ARHGAP15: variants seen among roughly 807,000 people sequenced by gnomAD.
ARHGAP15 encodes the protein rho GTPase-activating protein 15.
ARHGAP15 carries 51 observed loss-of-function variants against 63.7 expected under a neutral mutation model. The observed-to-expected ratio is 0.80, with a 90% CI of 0.64 to 1.01. The LOEUF is 1.01. Among genes scored for constraint, ARHGAP15 ranks in the 50% least tolerant of loss-of-function variants. ARHGAP15 has a pLI of 0.00. For missense variants in ARHGAP15, 560 were observed against 564.6 expected (o/e 0.99, Z 0.08); for synonymous variants, 191 against 193.8 (o/e 0.99, Z 0.12).
intron 2 of ARHGAP15, among the ~76,000 whole-genome samples, chr2:143,170,329 G>A (rs1333759311): frequency 6.6e-6 from 1 of 152,064 alleles, no homozygotes; most frequent in African/African-American, 2.4e-5. Context: ...ACATCTATAT[G>A]TACTCGGCAT....
At chr2:143,519,391 C>A in intron 10 of ARHGAP15, 27 bp downstream of exon 10, 2 of 1,557,684 alleles carry the variant, frequency 1.3e-6, no homozygotes, top group Non-Finnish European at 1.8e-6. Context: ...GCAGCAGTTC[C>A]CCCCATTACT....
intron 10 of ARHGAP15, among the ~76,000 whole-genome samples, chr2:143,544,390 A>C (rs1695235036): frequency 6.6e-6 from 1 of 152,184 alleles, no homozygotes; most frequent in Non-Finnish European, 1.5e-5. Context: ...ATATATTATC[A>C]AATAATTTCA....
At chr2:143,689,808 G>C (rs943316675) in intron 12 of ARHGAP15, among the ~76,000 whole-genome samples, 11 of 152,120 alleles carry the variant, frequency 7.2e-5, no homozygotes, top group African/African-American at 2.7e-4. Context: ...TTTTACATAT[G>C]GGACTACACA....
chr2:143,169,605 C>T (rs1314656168), intron 2 of ARHGAP15, among the ~76,000 whole-genome samples: 1 of 151,942 alleles, frequency 6.6e-6, no homozygotes, highest in Non-Finnish European at 1.5e-5. Flanking sequence ...TTTGCTGATT[C>T]CCAAAGACAC....
intron 13 of ARHGAP15, among the ~76,000 whole-genome samples, chr2:143,737,994 G>A (rs942111369): frequency 6.6e-6 from 1 of 152,090 alleles, no homozygotes; most frequent in Admixed American, 6.5e-5. Flanking sequence ...CTGACCTCAG[G>A]TGATCTGCCC....
chr2:143,667,551 C>T (rs1400227651), intron 12 of ARHGAP15, among the ~76,000 whole-genome samples: 1 of 144,838 alleles, frequency 6.9e-6, no homozygotes, highest in Non-Finnish European at 1.5e-5. Flanking sequence ...GCACATGTAC[C>T]CTAAAACTTA....
Position 143,673,746 on chromosome 2 carries a change from G to GTATATATATATATA in ARHGAP15, c.1139-29672_1139-29671insATATATATATATAT, listed in dbSNP as rs1405952200. Reference sequence around the variant, plus strand: ...ATTGTGTGTGTGTGTGTGTGTGTGTGTGTGTGTGTGTGTATATATATATAT... The same window carrying GTATATATATATATA: ...ATTGTGTGTGTGTGTGTGTGTGTGTGTATATATATATATATGTGTGTGTGTGTATATATATATAT... On this transcript the variant is annotated intron_variant, in intron 12 of 13. Transcript: ENST00000295095. Among the ~76,000 whole-genome samples, 256 of 29,558 alleles carry GTATATATATATATA rather than the reference G, an allele frequency of 8.7e-3. 7 individuals carry two copies. Among genetic ancestry groups the GTATATATATATATA allele is most frequent in the Middle Eastern group, 0.031 (1 of 32 alleles). The allele number at this position is 29,558 out of a possible 152,430, so 19.4% of individuals were successfully genotyped here. A position where few individuals can be genotyped will look rare whatever the true frequency, so the allele number is the denominator to read the frequency against.
chr2:143,564,931 A>G (rs781741290), intron 11 of ARHGAP15, among the ~76,000 whole-genome samples: 4 of 152,218 alleles, frequency 2.6e-5, no homozygotes, highest in Non-Finnish European at 4.4e-5. Flanking sequence ...AATGTAATAC[A>G]TTTATATCAT....
rs752832185 is a variant in ARHGAP15, at chr2:143,768,026, C to G, written c.1282C>G (p.Gln428Glu). The G allele has an allele frequency of 1.9e-6, 3 of 1,613,550 alleles. No homozygotes were observed. The highest frequency in any genetic ancestry group is 2.5e-6 in the Non-Finnish European group (3 of 1,179,676). The change falls in exon 14 of 14, where the codon CAA (glutamine) becomes GAA (glutamate). Residue 428 changes from glutamine to glutamate, a missense_variant. Gln to Glu is a conservative substitution (Grantham distance 29). Coordinates refer to ENST00000295095, the MANE Select transcript of ARHGAP15 (RefSeq NM_018460.4). The part of the protein sequence containing the change: ...AKASKNLMST[Q>E]SLGIVFGPTL... ...AGCCTCCAAGAACCTCATGTCCACGCAAAGCTTGGGGATTGTATTTGGACC... is the reference window on the plus strand; with the variant it reads ...AGCCTCCAAGAACCTCATGTCCACGGAAAGCTTGGGGATTGTATTTGGACC...
At chr2:143,763,612 C>T (rs1436596386) in intron 13 of ARHGAP15, among the ~76,000 whole-genome samples, 2 of 150,006 alleles carry the variant, frequency 1.3e-5, no homozygotes, top group Non-Finnish European at 3.0e-5. Flanking sequence ...TAATAAATTG[C>T]ATATATATAA....
chr2:143,488,366 GGATA>G (rs1292465685), intron 9 of ARHGAP15, among the ~76,000 whole-genome samples: 1 of 152,144 alleles, frequency 6.6e-6, no homozygotes. Flanking sequence ...AAGGATGAAT[GGATA>G]GATAGAACCA....
chr2:143,359,100 T>A (rs1191860693), intron 6 of ARHGAP15, among the ~76,000 whole-genome samples: 1 of 152,166 alleles, frequency 6.6e-6, no homozygotes, highest in East Asian at 1.9e-4. Flanking sequence ...ATCTTTTGAT[T>A]ATGTTTGGTG....
chr2:143,753,059 C>A (rs796080247), intron 13 of ARHGAP15, among the ~76,000 whole-genome samples: 1 of 152,166 alleles, frequency 6.6e-6, no homozygotes, highest in Non-Finnish European at 1.5e-5. Context: ...GCGGGAAGAT[C>A]GCTTGACCCA....
chr2:143,188,710 T>A (rs1032667568), intron 2 of ARHGAP15, among the ~76,000 whole-genome samples: 2 of 151,824 alleles, frequency 1.3e-5, no homozygotes, highest in African/African-American at 4.8e-5. Context: ...AACCTCTGCC[T>A]CCCAGGTTCA....
At chr2:143,298,819 AAAT>A (rs1682764823) in intron 6 of ARHGAP15, among the ~76,000 whole-genome samples, 1 of 151,130 alleles carries the variant, frequency 6.6e-6, no homozygotes, top group South Asian at 2.1e-4. Flanking sequence ...AAAGTAATTC[AAAT>A]AATAAGAGCA....
At chr2:143,415,806 G>A (rs973614456) in intron 6 of ARHGAP15, among the ~76,000 whole-genome samples, 10 of 152,122 alleles carry the variant, frequency 6.6e-5, no homozygotes, top group Non-Finnish European at 1.3e-4. Context: ...AAAAATGAAT[G>A]AATTAATGGC....
At chr2:143,675,082 A>T (rs1033310128) in intron 12 of ARHGAP15, among the ~76,000 whole-genome samples, 3 of 152,206 alleles carry the variant, frequency 2.0e-5, no homozygotes, top group African/African-American at 7.2e-5. Flanking sequence ...AACCAAGTGT[A>T]TGTAATATTC....
intron 6 of ARHGAP15, among the ~76,000 whole-genome samples, chr2:143,326,564 C>T (rs1461031082): frequency 6.6e-6 from 1 of 152,136 alleles, no homozygotes; most frequent in Non-Finnish European, 1.5e-5. Context: ...AGTGACTTCT[C>T]CAACAATTAA....
At chr2:143,664,266 C>T (rs1478682599) in intron 12 of ARHGAP15, among the ~76,000 whole-genome samples, 3 of 152,096 alleles carry the variant, frequency 2.0e-5, no homozygotes, top group African/African-American at 7.2e-5. Flanking sequence ...AGGAATCTCA[C>T]TCAAAACCGC....
Sources: allele counts gnomAD v4.1 joint callset (sites outside exome capture counted in the v4.1 genomes callset), GRCh38; gene constraint gnomAD v4.1.1; transcripts MANE v1.5; gene names NCBI Gene and HGNC (gene_info 2026-07-23, HGNC 2026-07-21).